Variants in POLR3GL observed in about 807,000 individuals in gnomAD.
POLR3GL encodes the protein DNA-directed RNA polymerase III subunit RPC7-like.
Under a neutral mutation model 32.4 loss-of-function variants are expected in POLR3GL, and 26 were observed. The observed-to-expected ratio is 0.80, with a 90% confidence interval of 0.59 to 1.11. The LOEUF is 1.11. Ranked by LOEUF, POLR3GL falls within the 50% of genes most tolerant of loss-of-function variation. The pLI, the probability that POLR3GL is intolerant of heterozygous loss-of-function variation, is 0.00. For missense variants in POLR3GL, 229 were observed against 280.1 expected, an observed-to-expected ratio of 0.82 and a Z score of 1.30; for synonymous variants, 95 against 98.7, an observed-to-expected ratio of 0.96 and a Z score of 0.22.
chr1:145,974,844 G>T lies in POLR3GL; in HGVS notation c.-22G>T. On this transcript the variant is annotated 5_prime_UTR_variant, in exon 2 of 8. Transcript: ENST00000369314. ...TATTAGGTTTATTCACTGGATCTCT[G>T]AATACCCAGGCCCCCTCCACCATGG... 6.7e-7 allele frequency: 1 copy of T among 1,496,886 alleles called. No individual in the cohort carries two copies. Among genetic ancestry groups the T allele is most frequent in the Non-Finnish European group, 8.8e-7 (1 of 1,131,688 alleles). 92.7% of individuals were successfully genotyped at this position (1,496,886 alleles called of 1,614,324 possible). A position where few individuals can be genotyped will look rare whatever the true frequency, so the allele number is the denominator to read the frequency against.
chr1:145,968,002 G>A (rs1234320720), intron 1 of POLR3GL, among the ~76,000 whole-genome samples: 2 of 152,184 alleles, frequency 1.3e-5, no homozygotes, highest in Non-Finnish European at 2.9e-5. Flanking sequence ...ACCTCTACAT[G>A]TACTGCCTTC....
intron 1 of POLR3GL, among the ~76,000 whole-genome samples, chr1:145,972,133 C>T (rs1214785061): frequency 6.6e-6 from 1 of 150,568 alleles, no homozygotes; most frequent in African/African-American, 2.5e-5. Flanking sequence ...TGAATCCCAG[C>T]ACTTTGGGAG....
At chr1:145,977,392 T>C in intron 4 of POLR3GL, 91 bp from the exon 5 acceptor site, 1 of 1,328,808 alleles carries the variant, frequency 7.5e-7, no homozygotes, top group South Asian at 1.2e-5. Flanking sequence ...TTCCTCTCCT[T>C]TAAAACCCTC....
At chr1:145,969,104 T>C (rs1553762306) in intron 1 of POLR3GL, among the ~76,000 whole-genome samples, 2 of 152,004 alleles carry the variant, frequency 1.3e-5, no homozygotes, top group Non-Finnish European at 2.9e-5. Flanking sequence ...TAAATTTTAT[T>C]TATCTATTTA....
At chr1:145,976,169 GGAGGCTGAGGCT>G (rs1189889944) in intron 3 of POLR3GL, among the ~76,000 whole-genome samples, 1 of 152,044 alleles carries the variant, frequency 6.6e-6, no homozygotes, top group Non-Finnish European at 1.5e-5. Context: ...CAGCTACTCG[GGAGGCTGAGGCT>G]GAGGCTGAGG....
intron 1 of POLR3GL, 45 bp from the exon 2 acceptor site, chr1:145,974,780 C>T: frequency 7.8e-7 from 1 of 1,287,948 alleles, no homozygotes; most frequent in South Asian, 1.9e-5. Flanking sequence ...GGCTTCCTGT[C>T]CATTCTACTA....
intron 3 of POLR3GL, among the ~76,000 whole-genome samples, chr1:145,975,896 G>C (rs1650528402): frequency 6.6e-6 from 1 of 151,514 alleles, no homozygotes; most frequent in Non-Finnish European, 1.5e-5. Context: ...TGAAATCCTG[G>C]TTTCTTATTC....
intron 3 of POLR3GL, 82 bp downstream of exon 3, chr1:145,975,518 G>T: frequency 6.7e-7 from 1 of 1,488,362 alleles, no homozygotes; most frequent in Non-Finnish European, 9.3e-7. Flanking sequence ...GGCCAGAGGG[G>T]CACAGGAAGC....
At chr1:145,972,156 G>A (rs1331189674) in intron 1 of POLR3GL, among the ~76,000 whole-genome samples, 2 of 150,624 alleles carry the variant, frequency 1.3e-5, no homozygotes, top group East Asian at 3.9e-4. Flanking sequence ...CGAGGTGGGT[G>A]GGTCACCTGA....
chr1:145,977,012 G>A, intron 3 of POLR3GL, 72 bp from the exon 4 acceptor site: 1 of 1,269,028 alleles, frequency 7.9e-7, no homozygotes, highest in Non-Finnish European at 1.2e-6. Context: ...AGTATTGAGA[G>A]GGCTGGACTC....
intron 3 of POLR3GL, 83 bp from the exon 4 acceptor site, chr1:145,977,001 C>T: frequency 1.4e-5 from 16 of 1,116,902 alleles, no homozygotes; most frequent in Non-Finnish European, 2.2e-5. Context: ...GATAATTCCT[C>T]AGTATTGAGA....
At chr1:145,975,543 G>C in intron 3 of POLR3GL, 107 bp downstream of exon 3, 1 of 1,297,098 alleles carries the variant, frequency 7.7e-7, no homozygotes, top group East Asian at 2.4e-5. Flanking sequence ...TATCTAACTG[G>C]GGAGATCATA....
rs1212719833 is a variant in POLR3GL, at chr1:145,977,259, T to C, written c.325+107T>C. Reference sequence around the variant, plus strand: ...CCACCCCATTCCCCGATCCAGCATCTGCAAGCTAGAGCCTTAGTTATGGTC... The same window carrying C: ...CCACCCCATTCCCCGATCCAGCATCCGCAAGCTAGAGCCTTAGTTATGGTC... On this transcript the variant is annotated intron_variant, in intron 4 of 7. Transcript: ENST00000369314. The C allele has an allele frequency of 2.9e-6, 3 of 1,034,772 alleles. No homozygotes were observed. The African/African-American group carries it at 4.7e-5, about 16-fold the overall frequency. The allele number at this position is 1,034,772 out of a possible 1,614,324, so 64.1% of individuals were successfully genotyped here. A position where few individuals can be genotyped will look rare whatever the true frequency, so the allele number is the denominator to read the frequency against.
Position 145,966,658 on chromosome 1 carries a change from G to A in POLR3GL, c.-42+1890G>A, listed in dbSNP as rs139112820. Among the ~76,000 whole-genome samples, 1,502 of 151,830 alleles carry A rather than the reference G, an allele frequency of 9.9e-3. 14 individuals are homozygous for A. The highest frequency in any genetic ancestry group is 0.061 in the Middle Eastern group (18 of 294). On this transcript the variant is annotated intron_variant, in intron 1 of 7. Transcript: ENST00000369314. ...AAAAAAATTAGCCAGGCATGGTGGC[G>A]CATGCCTGTAATCCCAGTTACTCGG...
intron 1 of POLR3GL, among the ~76,000 whole-genome samples, chr1:145,971,714 C>T (rs1287307551): frequency 4.0e-5 from 6 of 151,772 alleles, no homozygotes; most frequent in African/African-American, 1.5e-4. Flanking sequence ...CGCCTGTAAT[C>T]CCAGCACTTT....
rs1553763722 is a variant in POLR3GL at position 145,977,772 on chromosome 1, C to CGG, written c.383-6_383-5insGG. The CGG allele has an allele frequency of 6.2e-7, 1 of 1,613,276 alleles. No individual in the cohort carries two copies. Among genetic ancestry groups the CGG allele is most frequent in the African/African-American group, 1.3e-5 (1 of 75,012 alleles). On this transcript the variant is annotated splice_region_variant and splice_polypyrimidine_tract_variant and intron_variant, in intron 5 of 7. Coordinates refer to ENST00000369314, the MANE Select transcript of POLR3GL (RefSeq NM_032305.3). Reference sequence around the variant, plus strand: ...CTGAAGGTTTACCTTTTGATCCCTCCACCAGGGATTACAATTCTGCTCCCC... The same window carrying CGG: ...CTGAAGGTTTACCTTTTGATCCCTCCGGACCAGGGATTACAATTCTGCTCCCC...
intron 1 of POLR3GL, among the ~76,000 whole-genome samples, chr1:145,967,630 A>G (rs1650098207): frequency 6.6e-6 from 1 of 152,178 alleles, no homozygotes; most frequent in Admixed American, 6.6e-5. Context: ...AGCGTGCCCC[A>G]GGCCTCAGTG....
intron 1 of POLR3GL, among the ~76,000 whole-genome samples, chr1:145,970,874 T>TA (rs1650251131): frequency 5.2e-5 from 1 of 19,328 alleles, no homozygotes; most frequent in East Asian, 2.0e-3. Flanking sequence ...AAACTCCATC[T>TA]CAAAAAAAAA....
intron 1 of POLR3GL, among the ~76,000 whole-genome samples, chr1:145,970,824 C>T (rs1488643384): frequency 1.5e-5 from 2 of 137,338 alleles, no homozygotes; most frequent in Admixed American, 8.1e-5. Context: ...TGCAGTGAGC[C>T]GAGATCGCGC....
Sources: gnomAD v4.1 joint callset for allele counts (sites outside exome capture counted in the v4.1 genomes callset) on GRCh38, gnomAD v4.1.1 for gene constraint, MANE v1.5 for transcripts, NCBI Gene and HGNC (gene_info 2026-07-23, HGNC 2026-07-21) for gene names.